Variants in ZNF488 observed in about 807,000 individuals in gnomAD.
ZNF488 encodes zinc finger protein 488.
In ZNF488, 1 loss-of-function variant was observed where a neutral mutation model predicts 1.2. The observed-to-expected ratio is 0.86, with a 90% CI of 0.30 to 4.07. The LOEUF (loss-of-function observed/expected upper bound fraction) is 4.07. Ranked by LOEUF, ZNF488 falls within the 30% of genes most tolerant of loss-of-function variation. The pLI, the probability that ZNF488 is intolerant of heterozygous loss-of-function variation, is 0.18. For synonymous variants in ZNF488, 185 were observed against 190.1 expected (o/e 0.97, Z 0.22); for missense variants, 450 against 437.9 (o/e 1.03, Z -0.25).
chr10:47,373,851 G>C (rs1400231997), intron 1 of ZNF488, among the ~76,000 whole-genome samples: 1 of 152,212 alleles, frequency 6.6e-6, no homozygotes, highest in Non-Finnish European at 1.5e-5. Flanking sequence ...GCATGGCGAG[G>C]AAGGACGGCC....
chr10:47,375,343 C>T (rs1162131390), intron 1 of ZNF488, among the ~76,000 whole-genome samples: 4 of 152,204 alleles, frequency 2.6e-5, no homozygotes, highest in Admixed American at 6.5e-5. Flanking sequence ...GCTCCACCTG[C>T]CGGTGCGGGG....
chr10:47,373,145 G>A (rs1292129983), intron 1 of ZNF488, among the ~76,000 whole-genome samples: 1 of 152,180 alleles, frequency 6.6e-6, no homozygotes, highest in African/African-American at 2.4e-5. Flanking sequence ...AAAGGCTCTA[G>A]TGCTTGGCAA....
chr10:47,379,359 G>A (rs1241129186), intron 1 of ZNF488, among the ~76,000 whole-genome samples: 3 of 152,120 alleles, frequency 2.0e-5, no homozygotes, highest in African/African-American at 7.2e-5. Context: ...GACCACTGTG[G>A]ATCCTGACAC....
At chr10:47,376,436 G>A (rs1837684964) in intron 1 of ZNF488, among the ~76,000 whole-genome samples, 1 of 152,190 alleles carries the variant, frequency 6.6e-6, no homozygotes, top group African/African-American at 2.4e-5. Flanking sequence ...ACTAAGCCAG[G>A]TCAGACCCAA....
chr10:47,375,795 C>A (rs1399907707), intron 1 of ZNF488, among the ~76,000 whole-genome samples: 1 of 152,222 alleles, frequency 6.6e-6, no homozygotes, highest in Non-Finnish European at 1.5e-5. Flanking sequence ...CCACACACCA[C>A]AGCATGTACC....
intron 1 of ZNF488, among the ~76,000 whole-genome samples, chr10:47,377,998 C>A (rs1448295921): frequency 6.6e-6 from 1 of 152,174 alleles, no homozygotes; most frequent in African/African-American, 2.4e-5. Context: ...AATGCACATG[C>A]AGGCTTGGCA....
At chr10:47,370,512 G>A (rs1247489972) in intron 1 of ZNF488, among the ~76,000 whole-genome samples, 1 of 152,208 alleles carries the variant, frequency 6.6e-6, no homozygotes, top group East Asian at 1.9e-4. Flanking sequence ...ACAAGGGCCT[G>A]GAACTCTGAA....
rs115386748 is a variant in ZNF488, at chr10:47,379,200, T to C, written c.-109+5020A>G. Reference sequence around the variant, plus strand: ...ACGTAAGTATCTACATGACAAACAATAGTATTAACAAATGAAATAAGGCAC... The same window carrying C: ...ACGTAAGTATCTACATGACAAACAACAGTATTAACAAATGAAATAAGGCAC... On this transcript the variant is annotated intron_variant, in intron 1 of 1. Transcript: ENST00000585316. Among the ~76,000 whole-genome samples, 981 of 150,894 alleles carry C rather than the reference T, an allele frequency of 6.5e-3. 10 individuals carry two copies. Among genetic ancestry groups the C allele is most frequent in the African/African-American group, 0.022 (881 of 40,368 alleles).
chr10:47,367,724 C>T lies in ZNF488; in HGVS notation c.*83G>A. 1.4e-6 allele frequency: 2 copies of T among 1,470,132 alleles called. No individual in the cohort carries two copies. The highest frequency in any genetic ancestry group is 1.8e-6 in the Non-Finnish European group (2 of 1,088,752). The allele number at this position is 1,470,132 out of a possible 1,614,324, so 91.1% of individuals were successfully genotyped here. Reference sequence around the variant, plus strand: ...GCAGCAGCTCTGCAAAGGACCATGACAGCCCCCTCAACGCAGGCCCAGGGA... The same window carrying T: ...GCAGCAGCTCTGCAAAGGACCATGATAGCCCCCTCAACGCAGGCCCAGGGA... On this transcript the variant is annotated 3_prime_UTR_variant, in exon 2 of 2. Coordinates refer to ENST00000585316, the MANE Select transcript of ZNF488 (RefSeq NM_153034.4).
At chr10:47,375,711 C>G (rs1460665315) in intron 1 of ZNF488, among the ~76,000 whole-genome samples, 1 of 152,316 alleles carries the variant, frequency 6.6e-6, no homozygotes, top group Middle Eastern at 3.4e-3. Flanking sequence ...TCATCTTACA[C>G]TTTATTGTAA....
intron 1 of ZNF488, among the ~76,000 whole-genome samples, chr10:47,374,659 G>A (rs1194487107): frequency 6.6e-6 from 1 of 152,146 alleles, no homozygotes; most frequent in African/African-American, 2.4e-5. Flanking sequence ...AGAAAAAAAA[G>A]CCTAACCATG....
intron 1 of ZNF488, among the ~76,000 whole-genome samples, chr10:47,373,525 G>T (rs1837556770): frequency 6.6e-6 from 1 of 152,158 alleles, no homozygotes; most frequent in South Asian, 2.1e-4. Context: ...AAATGAGTGG[G>T]AACATAATGC....
intron 1 of ZNF488, among the ~76,000 whole-genome samples, chr10:47,372,115 G>A (rs1199491695): frequency 6.6e-6 from 1 of 152,182 alleles, no homozygotes; most frequent in Non-Finnish European, 1.5e-5. Flanking sequence ...CACCTACTAT[G>A]TGCCAGGCTC....
intron 1 of ZNF488, among the ~76,000 whole-genome samples, chr10:47,369,690 T>C (rs782593758): frequency 1.3e-5 from 2 of 152,240 alleles, no homozygotes; most frequent in African/African-American, 2.4e-5. Flanking sequence ...CCCAAGTACA[T>C]GTGGGCAGCT....
chr10:47,372,422 C>T (rs1226762946), intron 1 of ZNF488, among the ~76,000 whole-genome samples: 1 of 143,602 alleles, frequency 7.0e-6, no homozygotes. Flanking sequence ...TGTCAGCCCT[C>T]CCCACCCACC....
intron 1 of ZNF488, among the ~76,000 whole-genome samples, chr10:47,376,272 A>G (rs536019349): frequency 1.6e-4 from 24 of 152,264 alleles, no homozygotes; most frequent in African/African-American, 5.3e-4. Flanking sequence ...TTGATGGATG[A>G]ATACGAGTTC....
At chr10:47,378,859 C>T (rs2132305382) in intron 1 of ZNF488, among the ~76,000 whole-genome samples, 1 of 152,322 alleles carries the variant, frequency 6.6e-6, no homozygotes, top group African/African-American at 2.4e-5. Flanking sequence ...AGGCTCCACA[C>T]CACTCCTGAT....
At position 47,367,922 on chromosome 10, in the gene ZNF488, G is replaced by A. The variant is rs78202445; in HGVS notation, c.908C>T (p.Ala303Val). 146 of 1,614,106 alleles carry A rather than the reference G, an allele frequency of 9.0e-5. 1 individual carries two copies. The highest frequency in any genetic ancestry group is 2.0e-4 in the Admixed American group (12 of 60,028). ...HMRSHHKKEH[A>V]GPDPHSQKRR... ...CTTCTGAGAATGTGGGTCAGGCCCC[G>A]CATGCTCCTTTTTGTGGTGGGATCG... The change falls in exon 2 of 2, where the codon GCG becomes GTG. Residue 303 changes from alanine (A) to valine (V), a missense_variant. By Grantham distance (64) the Ala-to-Val change is moderately conservative (BLOSUM62 0). Transcript: ENST00000585316.
chr10:47,380,177 C>T (rs1321853212), intron 1 of ZNF488, among the ~76,000 whole-genome samples: 2 of 152,278 alleles, frequency 1.3e-5, no homozygotes, highest in African/African-American at 2.4e-5. Flanking sequence ...TACTGGCCCT[C>T]GTCACTCTGT....
Sources: gnomAD v4.1 joint callset for allele counts (sites outside exome capture counted in the v4.1 genomes callset) on GRCh38, gnomAD v4.1.1 for gene constraint, MANE v1.5 for transcripts, NCBI Gene and HGNC (gene_info 2026-07-23, HGNC 2026-07-21) for gene names.